Variants in TASP1 observed in about 807,000 individuals in gnomAD.
TASP1 encodes the protein threonine aspartase 1.
A neutral mutation model predicts 56.6 loss-of-function variants in TASP1; 16 were observed. That is an observed-to-expected ratio of 0.28 (90% CI 0.19 to 0.43). The LOEUF (loss-of-function observed/expected upper bound fraction) is 0.43, where lower values mean the gene tolerates loss of function less well. Ranked by LOEUF, TASP1 falls within the 20% of genes least tolerant of loss-of-function variation. The pLI is 1.00. For missense variants in TASP1, 393 were observed against 511.6 expected (o/e 0.77, Z 2.24); for synonymous variants, 179 against 184.2 (o/e 0.97, Z 0.23).
the TASP1 span, among the ~76,000 whole-genome samples, chr20:13,332,117 T>C: frequency 6.6e-6 from 1 of 152,180 alleles, no homozygotes; most frequent in Admixed American, 6.5e-5. Flanking sequence ...TTTCCTCCCA[T>C]GGACAATTTC....
At chr20:13,254,629 C>T in the TASP1 span, among the ~76,000 whole-genome samples, 3 of 152,132 alleles carry the variant, frequency 2.0e-5, no homozygotes, top group Non-Finnish European at 4.4e-5. Context: ...TCTCTATATT[C>T]TCTCTCTGGG....
At chr20:13,576,951 T>C (rs2046947098) in intron 6 of TASP1, among the ~76,000 whole-genome samples, 1 of 152,232 alleles carries the variant, frequency 6.6e-6, no homozygotes, top group Non-Finnish European at 1.5e-5. Flanking sequence ...TCCCCTGAGG[T>C]AATCACAGTG....
the TASP1 span, among the ~76,000 whole-genome samples, chr20:13,201,890 A>G: frequency 6.6e-6 from 1 of 151,536 alleles, no homozygotes; most frequent in African/African-American, 2.4e-5. Flanking sequence ...AGTAGCTGGT[A>G]TTACAGGCCT....
chr20:13,253,658 G>A, the TASP1 span, among the ~76,000 whole-genome samples: 5 of 152,078 alleles, frequency 3.3e-5, no homozygotes, highest in East Asian at 1.9e-4. Context: ...GATAGGACCC[G>A]AGAATCAGCA....
the TASP1 span, among the ~76,000 whole-genome samples, chr20:13,198,412 T>C: frequency 2.0e-5 from 3 of 152,140 alleles, no homozygotes; most frequent in African/African-American, 7.2e-5. Flanking sequence ...GTCCCTTTTA[T>C]GAGGGCACTA....
intron 13 of TASP1, among the ~76,000 whole-genome samples, chr20:13,410,857 A>AT (rs1204814771): frequency 2.0e-5 from 3 of 151,724 alleles, no homozygotes; most frequent in Non-Finnish European, 2.9e-5. Context: ...CTCTTTTGGG[A>AT]TTTTTTGTCT....
At chr20:13,268,870 T>A in the TASP1 span, among the ~76,000 whole-genome samples, 1 of 152,266 alleles carries the variant, frequency 6.6e-6, no homozygotes, top group East Asian at 1.9e-4. Context: ...AGCTCAGTTG[T>A]GCCACTGCAC....
At chr20:13,476,587 AGTTT>A (rs766264435) in intron 11 of TASP1, among the ~76,000 whole-genome samples, 2 of 152,056 alleles carry the variant, frequency 1.3e-5, no homozygotes, top group Non-Finnish European at 1.5e-5. Flanking sequence ...CTGGAATGCA[AGTTT>A]TTTTGATAGC....
the TASP1 span, among the ~76,000 whole-genome samples, chr20:13,115,002 T>C: frequency 1.3e-5 from 2 of 152,224 alleles, no homozygotes; most frequent in African/African-American, 4.8e-5. Context: ...AGCTTCAAAT[T>C]AACTCGTGGA....
intron 13 of TASP1, among the ~76,000 whole-genome samples, chr20:13,416,306 A>C (rs6042082): frequency 0.063 from 9,652 of 152,256 alleles, 452 homozygotes; most frequent in African/African-American, 0.13. Flanking sequence ...ATAAAGCAAT[A>C]TTTTATGTAT....
the TASP1 span, among the ~76,000 whole-genome samples, chr20:13,186,302 G>A: frequency 4.6e-5 from 7 of 152,072 alleles, no homozygotes; most frequent in South Asian, 2.1e-4. Context: ...CTACTTTCCC[G>A]GGGGGAAAAA....
rs1013317975 is a variant in TASP1, at chr20:13,565,852, CA to C, written c.568+3654del. The stretch of plus-strand genomic sequence containing the variant: ...TCCAGCAATTCCATTTCGGGGTACC[CA>C]AAAAAAATGGACAGCAGGGACTCAA... On this transcript the variant is annotated intron_variant, in intron 7 of 13. Transcript: ENST00000337743. 5.3e-5 allele frequency among the ~76,000 whole-genome samples: 8 copies of C among 151,096 alleles called. 1 individual carries two copies. The East Asian group carries it at 5.8e-4, about 11-fold the overall frequency.
At chr20:13,107,384 G>T in the TASP1 span, among the ~76,000 whole-genome samples, 1 of 152,144 alleles carries the variant, frequency 6.6e-6, no homozygotes, top group African/African-American at 2.4e-5. Context: ...GTGGGAAAAG[G>T]AATAAGAAAA....
At chr20:13,372,023 A>G in the TASP1 span, among the ~76,000 whole-genome samples, 8 of 152,214 alleles carry the variant, frequency 5.3e-5, no homozygotes, top group Non-Finnish European at 1.0e-4. Flanking sequence ...ACATTCAACT[A>G]ACTTATATAT....
chr20:13,115,319 C>G, the TASP1 span, among the ~76,000 whole-genome samples: 2 of 152,066 alleles, frequency 1.3e-5, no homozygotes, highest in African/African-American at 4.8e-5. Context: ...TGTGTGTGCC[C>G]TGCATTAACT....
chr20:13,508,376 T>TA lies in TASP1; in HGVS notation c.874+20056dup, dbSNP rs538157862. 1.4e-3 allele frequency among the ~76,000 whole-genome samples: 217 copies of TA among 152,222 alleles called. 1 individual carries two copies. Among genetic ancestry groups the TA allele is most frequent in the Non-Finnish European group, 2.2e-3 (151 of 67,990 alleles). ...GTTGAGCATACCTAACCCAAAAATCTAAAAGCTGAAATGCTCCAAAATTTG... is the reference window on the plus strand; with the variant it reads ...GTTGAGCATACCTAACCCAAAAATCTAAAAAGCTGAAATGCTCCAAAATTTG... On this transcript the variant is annotated intron_variant, in intron 10 of 13. Transcript: ENST00000337743.
the TASP1 span, among the ~76,000 whole-genome samples, chr20:13,261,975 G>A: frequency 6.6e-6 from 1 of 152,148 alleles, no homozygotes; most frequent in South Asian, 2.1e-4. Flanking sequence ...GGAGATGTTC[G>A]CCTTCTGGTG....
chr20:13,109,783 A>G, the TASP1 span, among the ~76,000 whole-genome samples: 1 of 152,218 alleles, frequency 6.6e-6, no homozygotes, highest in African/African-American at 2.4e-5. Context: ...TCAGCCTGCA[A>G]CAAAGCTTAG....
At chr20:13,337,959 C>G in the TASP1 span, among the ~76,000 whole-genome samples, 1 of 152,074 alleles carries the variant, frequency 6.6e-6, no homozygotes, top group Admixed American at 6.5e-5. Context: ...CTTACGTTAC[C>G]AGAAAAGGGT....
Sources: allele counts gnomAD v4.1 joint callset (sites outside exome capture counted in the v4.1 genomes callset), GRCh38; gene constraint gnomAD v4.1.1; transcripts MANE v1.5; gene names NCBI Gene and HGNC (gene_info 2026-07-23, HGNC 2026-07-21).